HOXB3: variants seen among roughly 807,000 people sequenced by gnomAD.
HOXB3 encodes homeobox B3.
HOXB3 carries 17 observed loss-of-function variants against 29.2 expected under a neutral mutation model. That is an observed-to-expected ratio of 0.58 (90% CI 0.40 to 0.87). The LOEUF is 0.87. Ranked by LOEUF, HOXB3 falls within the 40% of genes least tolerant of loss-of-function variation. The pLI is 0.00. For missense variants in HOXB3, 637 were observed against 616.3 expected (o/e 1.03, Z -0.35); for synonymous variants, 317 against 285.9 (o/e 1.11, Z -1.10).
chr17:48,559,301 A>G (rs1008353976), intron 2 of HOXB3, among the ~76,000 whole-genome samples: 12 of 152,178 alleles, frequency 7.9e-5, no homozygotes, highest in Non-Finnish European at 1.5e-5. Context: ...TTCTCTCAAT[A>G]AGGGCATACT....
intron 2 of HOXB3, chr17:48,556,550 T>TAAAAAAAAAAAAAAAAA (rs79367380): frequency 7.9e-6 from 1 of 127,368 alleles, no homozygotes; most frequent in African/African-American, 3.2e-5. Context: ...GACCAGAACT[T>TAAAAAAAAAAAAAAAAA]AAAAAAAAAA....
intron 4 of HOXB3, 114 bp downstream of exon 4, chr17:48,551,912 CA>C: frequency 1.1e-6 from 1 of 945,952 alleles, no homozygotes; most frequent in Non-Finnish European, 1.6e-6. Context: ...ACCCGCTGGC[CA>C]CCTAATATTG....
At chr17:48,576,457 T>A (rs996372520) in intron 1 of HOXB3, 1 of 377,710 alleles carries the variant, frequency 2.6e-6, no homozygotes, top group African/African-American at 2.1e-5. Context: ...TCTTCTTGCT[T>A]TTTCTTTTTC....
intron 1 of HOXB3, chr17:48,578,239 A>G (rs1178317772): frequency 1.7e-5 from 27 of 1,613,874 alleles, no homozygotes; most frequent in Non-Finnish European, 2.0e-5. Context: ...TGGGTAGGTA[A>G]TCGCTCTGTG....
chr17:48,583,402 T>C (rs2069988576), intron 1 of HOXB3, among the ~76,000 whole-genome samples: 1 of 152,222 alleles, frequency 6.6e-6, no homozygotes, highest in African/African-American at 2.4e-5. Context: ...TGAGATTTTC[T>C]TGGGTTTGTC....
At chr17:48,565,967 C>T (rs1053762789) in intron 2 of HOXB3, among the ~76,000 whole-genome samples, 2 of 152,294 alleles carry the variant, frequency 1.3e-5, no homozygotes, top group Non-Finnish European at 2.9e-5. Context: ...ATCTTTCTAT[C>T]CAATTCCTCT....
chr17:48,586,204 G>A (rs571877962), intron 1 of HOXB3, among the ~76,000 whole-genome samples: 3 of 152,344 alleles, frequency 2.0e-5, no homozygotes, highest in Non-Finnish European at 4.4e-5. Context: ...CAAGAGAGGA[G>A]ACGCCTAAAT....
intron 4 of HOXB3, among the ~76,000 whole-genome samples, 184 bp downstream of exon 4, chr17:48,551,843 G>A (rs1333820252): frequency 6.6e-6 from 1 of 152,244 alleles, no homozygotes; most frequent in African/African-American, 2.4e-5. Context: ...AGGGCAGCTA[G>A]AGGGAGGAGG....
chr17:48,556,911 C>G (rs1167273639), intron 2 of HOXB3: 3 of 152,136 alleles, frequency 2.0e-5, no homozygotes, highest in African/African-American at 7.2e-5. Context: ...TCAGAACAAC[C>G]CTGTTTGTTT....
intron 1 of HOXB3, among the ~76,000 whole-genome samples, chr17:48,586,070 C>T (rs1003188415): frequency 1.3e-5 from 2 of 152,238 alleles, no homozygotes; most frequent in African/African-American, 4.8e-5. Flanking sequence ...CCCGGATCCA[C>T]TAGGGGAGAG....
chr17:48,569,072 T>C (rs1257139794), intron 2 of HOXB3, among the ~76,000 whole-genome samples: 1 of 151,272 alleles, frequency 6.6e-6, no homozygotes, highest in East Asian at 1.9e-4. Flanking sequence ...CCCCCTCTCT[T>C]TTTTTTTCTC....
chr17:48,566,880 TCA>T (rs2069406685), intron 2 of HOXB3, among the ~76,000 whole-genome samples: 1 of 152,128 alleles, frequency 6.6e-6, no homozygotes, highest in Non-Finnish European at 1.5e-5. Context: ...TGCTTGCCTC[TCA>T]CACTGAATGT....
At chr17:48,563,410 T>C (rs2069268653) in intron 2 of HOXB3, among the ~76,000 whole-genome samples, 1 of 152,116 alleles carries the variant, frequency 6.6e-6, no homozygotes. Flanking sequence ...TGCAAACCCA[T>C]CCGCAAAGCC....
chr17:48,564,327 C>T (rs1165342173), intron 2 of HOXB3, among the ~76,000 whole-genome samples: 14 of 152,034 alleles, frequency 9.2e-5, no homozygotes, highest in Middle Eastern at 3.4e-3. Context: ...TCCGCCGCCG[C>T]AGCCAGCCGC....
chr17:48,586,909 G>C (rs12453445), intron 1 of HOXB3, among the ~76,000 whole-genome samples: 3,474 of 152,224 alleles, frequency 0.023, 140 homozygotes, highest in African/African-American at 0.08. Flanking sequence ...CCTCTAGAAA[G>C]GATGCTCACT....
intron 2 of HOXB3, among the ~76,000 whole-genome samples, chr17:48,564,245 G>A (rs2069303171): frequency 6.6e-6 from 1 of 151,678 alleles, no homozygotes; most frequent in Non-Finnish European, 1.5e-5. Context: ...CGCGGGCAAC[G>A]GCGGGCGGCC....
At position 48,550,443 on chromosome 17, in the gene HOXB3, T is replaced by C; in HGVS notation, c.1187A>G (p.Gln396Arg). Residue 396 changes from glutamine to arginine, a missense_variant, in exon 5 of 5, where the codon CAG becomes CGG. Gln to Arg is a conservative substitution (Grantham distance 43). Coordinates refer to ENST00000498678, the MANE Select transcript of HOXB3 (RefSeq NM_001384749.1). ...YNGAPPMAPS[Q>R]HHGPCEPHPT... Reference sequence around the variant, plus strand: ...GTGGGGTTCGCAGGGTCCGTGGTGCTGGCTGGGCGCCATAGGGGGCGCCCC... The same window carrying C: ...GTGGGGTTCGCAGGGTCCGTGGTGCCGGCTGGGCGCCATAGGGGGCGCCCC... 5 of 1,613,662 alleles carry C rather than the reference T, an allele frequency of 3.1e-6. No homozygotes were observed. The highest frequency in any genetic ancestry group is 1.1e-5 in the South Asian group (1 of 91,062).
At position 48,550,361 on chromosome 17, in the gene HOXB3, T is replaced by A. The variant is rs567422189; in HGVS notation, c.1269A>T (p.Gln423His). ...ACAGGTGTGTTAATTTGGGCGCTTCTTGGATTCTACCCTGAGGAGGAGGCG... is the reference window on the plus strand; with the variant it reads ...ACAGGTGTGTTAATTTGGGCGCTTCATGGATTCTACCCTGAGGAGGAGGCG... ...HHAPPPQGRI[Q>H]EAPKLTHL is the part of the protein sequence containing the mutation. Residue 423 changes from glutamine to histidine, a missense_variant, in exon 5 of 5, where the codon CAA becomes CAT. Gln to His is a conservative substitution (Grantham distance 24). Coordinates refer to ENST00000498678, the MANE Select transcript of HOXB3 (RefSeq NM_001384749.1). 1.9e-6 allele frequency: 3 copies of A among 1,613,962 alleles called. No individual in the cohort carries two copies. The Admixed American group carries it at 5.0e-5, about 27-fold the overall frequency.
intron 2 of HOXB3, chr17:48,559,579 C>T (rs190933755): frequency 1.3e-5 from 2 of 152,300 alleles, no homozygotes; most frequent in African/African-American, 4.8e-5. Flanking sequence ...CTCCATTTTC[C>T]CCTAAGTATT....
Sources: allele counts gnomAD v4.1 joint callset (sites outside exome capture counted in the v4.1 genomes callset), GRCh38; gene constraint gnomAD v4.1.1; transcripts MANE v1.5; gene names NCBI Gene and HGNC (gene_info 2026-07-23, HGNC 2026-07-21).